MYL1: variants seen among roughly 807,000 people sequenced by gnomAD.
MYL1 encodes the protein myosin light chain 1/3, skeletal muscle isoform.
A neutral mutation model predicts 21.8 loss-of-function variants in MYL1; 16 were observed. That is an observed-to-expected ratio of 0.74 (90% confidence interval 0.50 to 1.12). The LOEUF is 1.12. Ranked by LOEUF, MYL1 falls within the 50% of genes most tolerant of loss-of-function variation. MYL1 has a pLI of 0.00. For missense variants in MYL1, 246 were observed against 241.0 expected (o/e 1.02, Z -0.14); for synonymous variants, 99 against 85.2 (o/e 1.16, Z -0.89).
At chr2:210,308,108 A>G (rs1246338328) in intron 1 of MYL1, among the ~76,000 whole-genome samples, 1 of 152,050 alleles carries the variant, frequency 6.6e-6, no homozygotes, top group Non-Finnish European at 1.5e-5. Flanking sequence ...ATGACTAGAA[A>G]GGCTAAATAA....
intron 1 of MYL1, among the ~76,000 whole-genome samples, chr2:210,310,976 A>C (rs1690411325): frequency 6.6e-6 from 1 of 152,016 alleles, no homozygotes; most frequent in African/African-American, 2.4e-5. Context: ...TACTTATTTG[A>C]TCATATGTAT....
chr2:210,312,086 T>C (rs1208862354), intron 1 of MYL1, among the ~76,000 whole-genome samples: 2 of 151,982 alleles, frequency 1.3e-5, no homozygotes, highest in Non-Finnish European at 2.9e-5. Flanking sequence ...ATATTCAAGA[T>C]TATTCAAGAT....
At chr2:210,300,872 C>T (rs573276696) in intron 2 of MYL1, among the ~76,000 whole-genome samples, 1 of 152,180 alleles carries the variant, frequency 6.6e-6, no homozygotes, top group Non-Finnish European at 1.5e-5. Flanking sequence ...TCTTTAACCA[C>T]TAAACAAGGA....
chr2:210,307,516 C>A (rs1690355362), intron 1 of MYL1, among the ~76,000 whole-genome samples: 1 of 152,082 alleles, frequency 6.6e-6, no homozygotes, highest in Non-Finnish European at 1.5e-5. Context: ...TTTGTAGCAC[C>A]TTCCTTTAGA....
intron 2 of MYL1, among the ~76,000 whole-genome samples, chr2:210,299,666 A>G (rs1328426168): frequency 6.6e-6 from 1 of 152,182 alleles, no homozygotes; most frequent in Non-Finnish European, 1.5e-5. Context: ...TTAGAAATGT[A>G]TATCAAAGAC....
chr2:210,312,036 T>C (rs1690426024), intron 1 of MYL1, among the ~76,000 whole-genome samples: 1 of 151,980 alleles, frequency 6.6e-6, no homozygotes, highest in Admixed American at 6.6e-5. Flanking sequence ...GGAAATCAGA[T>C]TGGAAAGCAC....
At chr2:210,300,414 C>T (rs1408307837) in intron 2 of MYL1, among the ~76,000 whole-genome samples, 1 of 152,016 alleles carries the variant, frequency 6.6e-6, no homozygotes, top group Non-Finnish European at 1.5e-5. Context: ...AAATTTGATT[C>T]GGATACAGCC....
At chr2:210,297,141 A>G (rs1055586558) in intron 3 of MYL1, among the ~76,000 whole-genome samples, 9 of 151,660 alleles carry the variant, frequency 5.9e-5, no homozygotes, top group Non-Finnish European at 1.0e-4. Context: ...GCATGAGAAT[A>G]CAGACTTTTT....
At position 210,312,111 on chromosome 2, in the gene MYL1, A is replaced by T. The variant is rs145843994; in HGVS notation, c.132+2800T>A. Among the ~76,000 whole-genome samples, 785 of 152,086 alleles carry T rather than the reference A, an allele frequency of 5.2e-3. 3 individuals carry two copies. The highest frequency in any genetic ancestry group is 0.01 in the Middle Eastern group (3 of 292). ...TTATTCAAGATTTATGGGGGAATCA[A>T]ATATATGGCTATTAAATGTAGTATA... On this transcript the variant is annotated intron_variant, in intron 1 of 6. Transcript: ENST00000352451.
rs370702911 is a variant in MYL1, at chr2:210,314,471, C to T, written c.132+440G>A. Reference sequence around the variant, plus strand: ...TAACTGTCAAATACATAAAGGACAACCGGGCCATCAGCTGTTTTTAAACTT... The same window carrying T: ...TAACTGTCAAATACATAAAGGACAATCGGGCCATCAGCTGTTTTTAAACTT... On this transcript the variant is annotated intron_variant, in intron 1 of 6. Transcript: ENST00000352451. Among the ~76,000 whole-genome samples the T allele has an allele frequency of 2.0e-5, 3 of 152,196 alleles. No individual in the cohort carries two copies. In the East Asian group the frequency reaches 5.8e-4, roughly 29 times the overall value.
At chr2:210,303,647 T>G in intron 1 of MYL1, 1 of 1,541,126 alleles carries the variant, frequency 6.5e-7, no homozygotes, top group Non-Finnish European at 8.8e-7. Flanking sequence ...TTCCTTTTAT[T>G]TCTGGGCAAG....
At chr2:210,310,388 T>G (rs925325013) in intron 1 of MYL1, among the ~76,000 whole-genome samples, 10 of 152,046 alleles carry the variant, frequency 6.6e-5, no homozygotes, top group African/African-American at 2.4e-4. Context: ...ATTTCCAGTT[T>G]AAATAATGCT....
At chr2:210,300,214 A>G (rs1010602915) in intron 2 of MYL1, among the ~76,000 whole-genome samples, 1 of 152,164 alleles carries the variant, frequency 6.6e-6, no homozygotes, top group Non-Finnish European at 1.5e-5. Context: ...CGAAGTAGAA[A>G]TAGGATTTTA....
chr2:210,293,688 G>C (rs914613637), intron 5 of MYL1, 35 bp downstream of exon 5: 2 of 1,583,368 alleles, frequency 1.3e-6, no homozygotes, highest in Admixed American at 3.3e-5. Flanking sequence ...GATCAGTTAA[G>C]AGTTGCTGTA....
chr2:210,312,990 T>C (rs969545334), intron 1 of MYL1, among the ~76,000 whole-genome samples: 1 of 151,922 alleles, frequency 6.6e-6, no homozygotes, highest in Non-Finnish European at 1.5e-5. Flanking sequence ...ATTTAACATA[T>C]TGACAGAATA....
chr2:210,303,474 CTCAA>C, intron 1 of MYL1: 1 of 1,475,142 alleles, frequency 6.8e-7, no homozygotes, highest in African/African-American at 1.4e-5. Flanking sequence ...TATCTTTCTT[CTCAA>C]TAAGATCATA....
chr2:210,305,625 A>G (rs955561643), intron 1 of MYL1, among the ~76,000 whole-genome samples: 4 of 152,196 alleles, frequency 2.6e-5, no homozygotes, highest in African/African-American at 9.6e-5. Flanking sequence ...ATAATACAAA[A>G]TTAACCATCA....
rs186697238 is a variant in MYL1 at position 210,305,887 on chromosome 2, C to G, written c.133-3372G>C. On this transcript the variant is annotated intron_variant, in intron 1 of 6. Transcript: ENST00000352451. ...ACCAGCCTGACCAATATGGAGAAACCCTGTCTCTACTAAAAATACAAAATT... is the reference window on the plus strand; with the variant it reads ...ACCAGCCTGACCAATATGGAGAAACGCTGTCTCTACTAAAAATACAAAATT... Among the ~76,000 whole-genome samples the G allele has an allele frequency of 3.3e-3, 492 of 150,968 alleles. 1 individual carries two copies. Among genetic ancestry groups the G allele is most frequent in the African/African-American group, 0.01 (430 of 41,034 alleles).
chr2:210,293,637 G>A (rs1016288973), intron 5 of MYL1, 86 bp downstream of exon 5: 4 of 1,063,972 alleles, frequency 3.8e-6, no homozygotes, highest in South Asian at 1.4e-5. Context: ...CAATAAGGAA[G>A]GAAGAGGAAA....
Sources: gnomAD v4.1 joint callset for allele counts (sites outside exome capture counted in the v4.1 genomes callset) on GRCh38, gnomAD v4.1.1 for gene constraint, MANE v1.5 for transcripts, NCBI Gene and HGNC (gene_info 2026-07-23, HGNC 2026-07-21) for gene names.